The following FSTL5 variants were observed in gnomAD, a reference collection of about 807,000 sequenced individuals.
FSTL5 encodes the protein follistatin like 5, also known as follistatin-related protein 5.
In FSTL5, 62 loss-of-function variants were observed where a neutral mutation model predicts 89.1. The observed-to-expected ratio is 0.70, with a 90% CI of 0.57 to 0.86. FSTL5 has a LOEUF of 0.86. Ranked by LOEUF, FSTL5 falls within the 40% of genes least tolerant of loss-of-function variation. The pLI, the probability that FSTL5 is intolerant of heterozygous loss-of-function variation, is 0.00. For missense variants in FSTL5, 1,057 were observed against 1,001.6 expected (o/e 1.06, Z -0.75); for synonymous variants, 383 against 346.2 (o/e 1.11, Z -1.18).
chr4:162,058,383 T>G (rs934112474), intron 2 of FSTL5, among the ~76,000 whole-genome samples: 3 of 150,942 alleles, frequency 2.0e-5, no homozygotes, highest in Non-Finnish European at 4.4e-5. Context: ...AAAGGGAGAA[T>G]AATTCTGATC....
intron 4 of FSTL5, among the ~76,000 whole-genome samples, chr4:161,829,123 G>T (rs1303166958): frequency 3.1e-5 from 4 of 130,902 alleles, no homozygotes; most frequent in Non-Finnish European, 3.2e-5. Context: ...AAAGTTAAAA[G>T]GGCTTCAGTC....
intron 8 of FSTL5, among the ~76,000 whole-genome samples, chr4:161,568,923 A>G (rs530565954): frequency 6.6e-6 from 1 of 152,322 alleles, no homozygotes; most frequent in South Asian, 2.1e-4. Flanking sequence ...TTAGTTATAT[A>G]GAAGGAATCT....
intron 7 of FSTL5, among the ~76,000 whole-genome samples, chr4:161,636,090 C>G (rs1196401895): frequency 7.7e-6 from 1 of 129,364 alleles, no homozygotes; most frequent in Non-Finnish European, 1.7e-5. Context: ...TAATTGACAG[C>G]AAAAAAAAAA....
chr4:162,038,187 G>T (rs1053891261), intron 2 of FSTL5, among the ~76,000 whole-genome samples: 3 of 151,808 alleles, frequency 2.0e-5, no homozygotes, highest in African/African-American at 7.2e-5. Flanking sequence ...CTTAAAATAA[G>T]AAATATATTT....
chr4:162,104,160 C>T (rs530070916), intron 2 of FSTL5, among the ~76,000 whole-genome samples: 18 of 152,344 alleles, frequency 1.2e-4, no homozygotes, highest in African/African-American at 4.1e-4. Flanking sequence ...CCTGATCCAG[C>T]GAGGCGCCTA....
chr4:161,993,460 TTAACTA>T (rs150491116), intron 3 of FSTL5, among the ~76,000 whole-genome samples: 48,193 of 151,598 alleles, frequency 0.32, 9,417 homozygotes, highest in Non-Finnish European at 0.42. Flanking sequence ...TGTATGATAT[TTAACTA>T]TAATATAAAT....
intron 15 of FSTL5, among the ~76,000 whole-genome samples, chr4:161,452,236 G>A (rs2126394351): frequency 6.6e-6 from 1 of 152,284 alleles, no homozygotes; most frequent in Admixed American, 6.5e-5. Context: ...AGGACTTTGG[G>A]AGGCCAAGGT....
chr4:161,473,187 T>A (rs1344028807), intron 13 of FSTL5, among the ~76,000 whole-genome samples: 15 of 152,134 alleles, frequency 9.9e-5, no homozygotes, highest in Non-Finnish European at 1.8e-4. Context: ...TTGTGATAAG[T>A]CCTCTACTCC....
At chr4:161,947,546 T>G (rs1734769951) in intron 3 of FSTL5, among the ~76,000 whole-genome samples, 1 of 152,134 alleles carries the variant, frequency 6.6e-6, no homozygotes, top group Admixed American at 6.6e-5. Flanking sequence ...GTTATGAATG[T>G]GTAGCTTTAT....
intron 15 of FSTL5, among the ~76,000 whole-genome samples, chr4:161,415,546 C>T (rs1049429381): frequency 1.3e-5 from 2 of 152,084 alleles, no homozygotes; most frequent in South Asian, 2.1e-4. Flanking sequence ...TGAGTCACCA[C>T]GCTCGGCCGT....
rs567637504 is a variant in FSTL5 at position 161,463,273 on chromosome 4, A to C, written c.1609-3954T>G. 6.6e-5 allele frequency among the ~76,000 whole-genome samples: 10 copies of C among 152,294 alleles called. No individual in the cohort carries two copies. In the East Asian group the frequency reaches 1.3e-3, roughly 21 times the overall value. ...TTTTCAAAAGCTTTGCACTAAATTC[A>C]GTTATTTTGCTGTCTGGTTATAAAA... On this transcript the variant is annotated intron_variant, in intron 13 of 15. Transcript: ENST00000306100.
intron 6 of FSTL5, among the ~76,000 whole-genome samples, chr4:161,717,849 A>G (rs996543883): frequency 1.3e-5 from 2 of 152,184 alleles, no homozygotes; most frequent in Non-Finnish European, 2.9e-5. Flanking sequence ...TAATATTTAC[A>G]TGTTTAAAGA....
intron 5 of FSTL5, among the ~76,000 whole-genome samples, chr4:161,772,220 A>G (rs2126800832): frequency 6.6e-6 from 1 of 152,286 alleles, no homozygotes; most frequent in South Asian, 2.1e-4. Context: ...ACCCAGGGAC[A>G]AATTATATTC....
At chr4:161,754,556 C>T (rs1740508642) in intron 6 of FSTL5, among the ~76,000 whole-genome samples, 1 of 152,028 alleles carries the variant, frequency 6.6e-6, no homozygotes, top group African/African-American at 2.4e-5. Flanking sequence ...TATTATTTAA[C>T]TCAGGAAATG....
At chr4:162,110,240 T>C (rs1188024896) in intron 2 of FSTL5, among the ~76,000 whole-genome samples, 1 of 152,000 alleles carries the variant, frequency 6.6e-6, no homozygotes, top group Non-Finnish European at 1.5e-5. Context: ...CTTCACCTTT[T>C]TGTGACTTAA....
At chr4:161,484,256 T>C (rs934183074) in intron 12 of FSTL5, among the ~76,000 whole-genome samples, 3 of 152,176 alleles carry the variant, frequency 2.0e-5, no homozygotes, top group African/African-American at 7.2e-5. Flanking sequence ...CTTATTCTCC[T>C]TCTCAGGTCA....
chr4:162,048,312 C>T (rs936871043), intron 2 of FSTL5, among the ~76,000 whole-genome samples: 6 of 151,666 alleles, frequency 4.0e-5, no homozygotes, highest in East Asian at 1.9e-4. Flanking sequence ...CCAGCCTGGG[C>T]GACAAAGCAA....
intron 4 of FSTL5, among the ~76,000 whole-genome samples, chr4:161,901,154 T>G (rs2033404): frequency 0.82 from 124,830 of 151,462 alleles, 52,127 homozygotes; most frequent in Non-Finnish European, 0.89. Context: ...TCCTTGCCCT[T>G]TCTGAATTTA....
intron 4 of FSTL5, among the ~76,000 whole-genome samples, chr4:161,902,939 G>A (rs962530027): frequency 1.1e-4 from 17 of 152,008 alleles, no homozygotes; most frequent in African/African-American, 3.9e-4. Flanking sequence ...ATCTTATGTT[G>A]TTAACTTACC....
Sources: allele counts gnomAD v4.1 joint callset (sites outside exome capture counted in the v4.1 genomes callset), GRCh38; gene constraint gnomAD v4.1.1; transcripts MANE v1.5; gene names NCBI Gene and HGNC (gene_info 2026-07-23, HGNC 2026-07-21).